The following SIMC1 variants were observed in gnomAD, a reference collection of about 807,000 sequenced individuals.
The protein encoded by SIMC1 is SUMO-interacting motif-containing protein 1.
Under a neutral mutation model 82.3 loss-of-function variants are expected in SIMC1, and 55 were observed. The observed-to-expected ratio is 0.67, with a 90% CI of 0.54 to 0.84. The LOEUF (loss-of-function observed/expected upper bound fraction) is 0.84. Ranked by LOEUF, SIMC1 falls within the 40% of genes least tolerant of loss-of-function variation. The pLI is 0.00. For missense variants in SIMC1, 915 were observed against 1,107.2 expected, an observed-to-expected ratio of 0.83 and a Z score of 2.46; for synonymous variants, 353 against 426.3, an observed-to-expected ratio of 0.83 and a Z score of 2.12.
At chr5:176,339,960 GT>G (rs1766058784) in intron 9 of SIMC1, among the ~76,000 whole-genome samples, 1 of 152,192 alleles carries the variant, frequency 6.6e-6, no homozygotes, top group Non-Finnish European at 1.5e-5. Flanking sequence ...CGAGTGGTCT[GT>G]GGATGTTGTT....
chr5:176,269,357 T>G (rs1561680504), intron 1 of SIMC1, among the ~76,000 whole-genome samples: 1 of 152,184 alleles, frequency 6.6e-6, no homozygotes, highest in Non-Finnish European at 1.5e-5. Context: ...CTATACAGAG[T>G]ATAGAATTAT....
chr5:176,313,318 G>A (rs1764746385), intron 4 of SIMC1: 2 of 1,466,432 alleles, frequency 1.4e-6, no homozygotes, highest in Non-Finnish European at 1.8e-6. Context: ...GAGAGGGAGA[G>A]ATTGACTTCC....
At chr5:176,325,918 G>C (rs781200060) in intron 7 of SIMC1, among the ~76,000 whole-genome samples, 8 of 152,092 alleles carry the variant, frequency 5.3e-5, no homozygotes, top group Non-Finnish European at 1.0e-4. Context: ...TAAGAATTAG[G>C]AATTCAGTTT....
At chr5:176,283,872 A>C (rs1763133886) in intron 1 of SIMC1, among the ~76,000 whole-genome samples, 1 of 152,346 alleles carries the variant, frequency 6.6e-6, no homozygotes, top group East Asian at 1.9e-4. Context: ...AGGGGTTGCA[A>C]TCCTAGTCTC....
intron 1 of SIMC1, among the ~76,000 whole-genome samples, chr5:176,264,640 C>T (rs566617858): frequency 2.0e-5 from 3 of 151,570 alleles, no homozygotes; most frequent in Admixed American, 6.6e-5. Context: ...TGCTCTTCAG[C>T]CCCTTTAAAT....
chr5:176,295,359 C>T (rs1763769716), intron 3 of SIMC1, 97 bp downstream of exon 3: 4 of 1,481,190 alleles, frequency 2.7e-6, no homozygotes, highest in Admixed American at 2.5e-5. Flanking sequence ...CTAACCGTTA[C>T]AGTGGGTGAC....
At chr5:176,284,927 A>G (rs1561692951) in intron 1 of SIMC1, among the ~76,000 whole-genome samples, 1 of 152,226 alleles carries the variant, frequency 6.6e-6, no homozygotes, top group Non-Finnish European at 1.5e-5. Context: ...TGAATAGACC[A>G]ATAACAGGCT....
At chr5:176,283,733 T>C (rs1763127664) in intron 1 of SIMC1, among the ~76,000 whole-genome samples, 1 of 152,022 alleles carries the variant, frequency 6.6e-6, no homozygotes, top group African/African-American at 2.4e-5. Context: ...GACTGGCAAA[T>C]TGAATAAAGA....
At chr5:176,252,213 G>GCC (rs1761686598) in intron 1 of SIMC1, among the ~76,000 whole-genome samples, 1 of 78,814 alleles carries the variant, frequency 1.3e-5, no homozygotes, top group African/African-American at 4.7e-5. Context: ...GCGGGGGGCT[G>GCC]ACCGCCCCCC....
rs749845940 is a variant in SIMC1, at chr5:176,290,258, G to C, written c.734G>C (p.Arg245Pro). 2.8e-5 allele frequency: 45 copies of C among 1,607,234 alleles called. No homozygotes were observed. Among genetic ancestry groups the C allele is most frequent in the East Asian group, 1.8e-4 (8 of 44,692 alleles). ...CCACGAGCCTCCTCATGCCCACCAC[G>C]AGCCTTGTCATGCCCATCACAAACC... The part of the protein sequence containing the change: ...CPPRASSCPP[R>P]ALSCPSQTMQ... Residue 245 changes from arginine to proline, a missense_variant, in exon 2 of 10, where the codon CGA becomes CCA. Arg to Pro is a moderately radical substitution (Grantham distance 103). Around this residue, in one of 2 missense-constraint regions of SIMC1, gnomAD observed 902 missense variants for 1,040.3 expected, o/e 0.87. Coordinates refer to ENST00000429602, the MANE Select transcript of SIMC1 (RefSeq NM_001308195.2).
At chr5:176,271,919 T>G (rs1305143497) in intron 1 of SIMC1, among the ~76,000 whole-genome samples, 2 of 39,448 alleles carry the variant, frequency 5.1e-5, no homozygotes, top group Non-Finnish European at 1.6e-4. Flanking sequence ...TATAATTGTA[T>G]ATTATATTAT....
At chr5:176,263,933 T>C (rs1762102498) in intron 1 of SIMC1, among the ~76,000 whole-genome samples, 2 of 152,324 alleles carry the variant, frequency 1.3e-5, no homozygotes, top group Non-Finnish European at 1.5e-5. Context: ...AGGGTAAACA[T>C]TCCCATTCCA....
At chr5:176,329,253 C>T (rs1301164239) in intron 7 of SIMC1, among the ~76,000 whole-genome samples, 1 of 152,128 alleles carries the variant, frequency 6.6e-6, no homozygotes, top group Non-Finnish European at 1.5e-5. Flanking sequence ...TGGCGGATCA[C>T]GAGGTCAGGA....
At position 176,290,528 on chromosome 5, in the gene SIMC1, T is replaced by C; in HGVS notation, c.1004T>C (p.Met335Thr). ...GATGCACCACAGTCACCAGGGGGCATGCCACACTTACCGGGAGATGTGTTA... is the reference window on the plus strand; with the variant it reads ...GATGCACCACAGTCACCAGGGGGCACGCCACACTTACCGGGAGATGTGTTA... ...SPDAPQSPGG[M>T]PHLPGDVLHS... Residue 335 changes from methionine to threonine, a missense_variant, in exon 2 of 10, where the codon ATG (methionine) becomes ACG (threonine). Physicochemically the swap from Met to Thr is moderately conservative, Grantham distance 81. This residue lies in a region of SIMC1 where 902 missense variants were observed against 1,040.3 expected (regional missense o/e 0.87). Coordinates refer to ENST00000429602, the MANE Select transcript of SIMC1 (RefSeq NM_001308195.2). The C allele has an allele frequency of 2.5e-6, 4 of 1,613,932 alleles. No individual in the cohort carries two copies. The highest frequency in any genetic ancestry group is 3.4e-6 in the Non-Finnish European group (4 of 1,179,880).
chr5:176,290,535 C>T lies in SIMC1; in HGVS notation c.1011C>T (p.His337=), dbSNP rs1465571522. The part of the protein sequence containing the change: ...DAPQSPGGMP[H]LPGDVLHSPG... ...CACAGTCACCAGGGGGCATGCCACA[C>T]TTACCGGGAGATGTGTTACATTCAC... Residue 337 remains histidine (H), a synonymous_variant, in exon 2 of 10, where the codon CAC becomes CAT. Coordinates refer to ENST00000429602, the MANE Select transcript of SIMC1 (RefSeq NM_001308195.2). 1 of 1,613,872 alleles carries T rather than the reference C, an allele frequency of 6.2e-7. No individual in the cohort carries two copies. Among genetic ancestry groups the T allele is most frequent in the African/African-American group, 1.3e-5 (1 of 74,906 alleles).
intron 1 of SIMC1, among the ~76,000 whole-genome samples, chr5:176,246,449 T>TGTGTGTG (rs1554104446): frequency 8.5e-6 from 1 of 118,050 alleles, no homozygotes; most frequent in African/African-American, 3.4e-5. Flanking sequence ...TGTGTGTGTG[T>TGTGTGTG]TGTTTGTTTG....
chr5:176,308,150 G>C, intron 4 of SIMC1: 1 of 1,083,028 alleles, frequency 9.2e-7, no homozygotes, highest in South Asian at 1.3e-5. Flanking sequence ...TCTGAGCACA[G>C]AGAAGGAGGA....
At chr5:176,310,349 G>A (rs1389107172) in intron 4 of SIMC1, among the ~76,000 whole-genome samples, 2 of 152,134 alleles carry the variant, frequency 1.3e-5, no homozygotes, top group Non-Finnish European at 2.9e-5. Context: ...TATTGTACTT[G>A]TACCCAAATA....
At chr5:176,282,000 T>G (rs1413106106) in intron 1 of SIMC1, among the ~76,000 whole-genome samples, 2 of 152,244 alleles carry the variant, frequency 1.3e-5, no homozygotes, top group African/African-American at 4.8e-5. Flanking sequence ...AGGTTACTGC[T>G]GTCTTTTTGT....
Sources: gnomAD v4.1 joint callset for allele counts (sites outside exome capture counted in the v4.1 genomes callset) on GRCh38, gnomAD v4.1.1 for gene constraint, gnomAD v4.1.1 regional missense constraint, MANE v1.5 for transcripts, NCBI Gene and HGNC (gene_info 2026-07-23, HGNC 2026-07-21) for gene names.